ZNF529: variants seen among roughly 807,000 people sequenced by gnomAD.
The protein encoded by ZNF529 is zinc finger protein 529.
In ZNF529, 11 loss-of-function variants were observed where a neutral mutation model predicts 10.1. The ratio of observed to expected loss-of-function variants is 1.09; its 90% CI spans 0.69 to 1.81. The LOEUF (loss-of-function observed/expected upper bound fraction) is 1.81. ZNF529 is among the 40% of genes most tolerant of loss of function. The pLI, the probability that ZNF529 is intolerant of heterozygous loss-of-function variation, is 0.00. For missense variants in ZNF529, 624 were observed against 666.8 expected (o/e 0.94, Z 0.71); for synonymous variants, 204 against 215.7 (o/e 0.95, Z 0.47).
intron 2 of ZNF529, chr19:36,582,725 AAAG>A (rs1305393961): frequency 2.0e-5 from 3 of 151,902 alleles, no homozygotes; most frequent in East Asian, 3.9e-4. Context: ...AAAAAAAAAA[AAAG>A]ATGAGCATAA....
In ZNF529 at chr19:36,596,660, G is replaced by A. The variant is rs1490846725; in HGVS notation, c.-127-6959C>T. The stretch of plus-strand genomic sequence containing the variant: ...GCCTCCAGAGTAGCTGGGATTATAG[G>A]TGTGTGTCACCACACCCAGGTAATT... On this transcript the variant is annotated intron_variant, in intron 1 of 4. Coordinates refer to the ZNF529 transcript ENST00000585960. 9.9e-5 allele frequency among the ~76,000 whole-genome samples: 15 copies of A among 151,898 alleles called. No individual in the cohort carries two copies. The East Asian group carries it at 2.7e-3, about 28-fold the overall frequency.
At chr19:36,574,066 C>T (rs563937862), upstream of ZNF529, among the ~76,000 whole-genome samples, 1 of 152,340 alleles carries the variant, frequency 6.6e-6, no homozygotes, top group Admixed American at 6.5e-5. Flanking sequence ...TTTGAAGAGA[C>T]TTATTCTGAG....
rs137913019 is a variant in ZNF529 at position 36,562,089 on chromosome 19, T to C, written c.15-5892A>G. 1.7e-4 allele frequency among the ~76,000 whole-genome samples: 26 copies of C among 151,994 alleles called. No individual in the cohort carries two copies. In the East Asian group the frequency reaches 5.1e-3, roughly 30 times the overall value. The stretch of plus-strand genomic sequence containing the variant: ...CATCTCTACTAAAAATACAAAAAAA[T>C]TAGCCAGGAATGGTGGTGCATGCCT... On this transcript the variant is annotated intron_variant, in intron 2 of 4. Transcript: ENST00000591340.
intron 2 of ZNF529, among the ~76,000 whole-genome samples, chr19:36,568,234 G>T (rs1343752299): frequency 6.6e-6 from 1 of 152,174 alleles, no homozygotes; most frequent in Non-Finnish European, 1.5e-5. Context: ...CTCAAAGACT[G>T]TAACTATCAA....
chr19:36,562,775 T>G (rs1220355790), intron 2 of ZNF529, among the ~76,000 whole-genome samples: 1 of 149,446 alleles, frequency 6.7e-6, no homozygotes, highest in East Asian at 2.0e-4. Context: ...AGGCGGAGCT[T>G]GCAGTGAGCT....
chr19:36,548,122 A>T lies in ZNF529; in HGVS notation c.436T>A (p.Ser146Thr). The change falls in exon 5 of 5, where the codon TCT (serine) becomes ACT (threonine). Residue 146 changes from serine (S) to threonine (T), a missense_variant. Physicochemically the swap from Ser to Thr is moderately conservative, Grantham distance 58 (BLOSUM62 1). Coordinates refer to ENST00000591340, the MANE Select transcript of ZNF529 (RefSeq NM_020951.5). ...GTTTTGTAACTGGGCACATTTTCAGAGATGATTTTCATTTGACTGAAATAT... is the reference window on the plus strand; with the variant it reads ...GTTTTGTAACTGGGCACATTTTCAGTGATGATTTTCATTTGACTGAAATAT... The part of the protein sequence containing the change: ...VGYFSQMKII[S>T]ENVPSYKTHE... The T allele has an allele frequency of 6.2e-7, 1 of 1,613,882 alleles. No homozygotes were observed. Among genetic ancestry groups the T allele is most frequent in the South Asian group, 1.1e-5 (1 of 91,076 alleles).
intron 2 of ZNF529, among the ~76,000 whole-genome samples, chr19:36,558,479 C>T (rs2145814506): frequency 6.6e-6 from 1 of 152,152 alleles, no homozygotes; most frequent in Non-Finnish European, 1.5e-5. Context: ...GTATTAACTG[C>T]TGATTTCTCA....
At chr19:36,604,129 G>A (rs2036977689) in intron 1 of ZNF529, among the ~76,000 whole-genome samples, 1 of 152,118 alleles carries the variant, frequency 6.6e-6, no homozygotes, top group Non-Finnish European at 1.5e-5. Context: ...GCAATGAGCC[G>A]AGATTGCGCC....
At chr19:36,564,483 A>G (rs1345909760) in intron 2 of ZNF529, among the ~76,000 whole-genome samples, 1 of 152,234 alleles carries the variant, frequency 6.6e-6, no homozygotes, top group African/African-American at 2.4e-5. Context: ...GCCAACAAAC[A>G]TACTTTTTTA....
intron 1 of ZNF529, among the ~76,000 whole-genome samples, chr19:36,600,003 G>A: frequency 6.6e-6 from 1 of 152,040 alleles, no homozygotes; most frequent in South Asian, 2.1e-4. Context: ...CGAGTAGCTG[G>A]GATTACAGGC....
At chr19:36,559,198 A>T (rs544232520) in intron 2 of ZNF529, among the ~76,000 whole-genome samples, 2 of 152,378 alleles carry the variant, frequency 1.3e-5, no homozygotes, top group Non-Finnish European at 2.9e-5. Flanking sequence ...AAATTGGTAC[A>T]GTCCTTCTGA....
intron 2 of ZNF529, among the ~76,000 whole-genome samples, chr19:36,579,165 C>T (rs191538818): frequency 2.8e-4 from 42 of 151,380 alleles, no homozygotes; most frequent in Admixed American, 1.4e-3. Flanking sequence ...TGCGCCGTTG[C>T]ACTCCAGCCT....
upstream of ZNF529, among the ~76,000 whole-genome samples, chr19:36,574,070 T>C (rs998119402): frequency 2.0e-5 from 3 of 152,238 alleles, no homozygotes; most frequent in East Asian, 1.9e-4. Flanking sequence ...AAGAGACTTA[T>C]TCTGAGCTAA....
At chr19:36,570,944 T>C (rs897640233) in intron 2 of ZNF529, among the ~76,000 whole-genome samples, 1 of 152,204 alleles carries the variant, frequency 6.6e-6, no homozygotes, top group Non-Finnish European at 1.5e-5. Flanking sequence ...ACTGATATAA[T>C]TATTGTTTAC....
At chr19:36,580,780 A>G (rs1382342426) in intron 2 of ZNF529, 2 of 152,252 alleles carry the variant, frequency 1.3e-5, no homozygotes, top group East Asian at 3.8e-4. Flanking sequence ...AGATTCAACC[A>G]ATAGCAATGC....
chr19:36,592,530 G>A (rs916345962), intron 1 of ZNF529, among the ~76,000 whole-genome samples: 2 of 150,774 alleles, frequency 1.3e-5, no homozygotes, highest in African/African-American at 2.4e-5. Flanking sequence ...GGAGATGGAA[G>A]TTGCAGTGAG....
At chr19:36,604,735 C>T (rs1292525963) in intron 1 of ZNF529, 1 of 152,224 alleles carries the variant, frequency 6.6e-6, no homozygotes, top group Non-Finnish European at 1.5e-5. Context: ...CACAACAGCG[C>T]TGTCACAGGA....
chr19:36,560,205 C>T (rs575262730), intron 2 of ZNF529, among the ~76,000 whole-genome samples: 43 of 141,232 alleles, frequency 3.0e-4, no homozygotes, highest in African/African-American at 8.8e-4. Context: ...TGCGGTGAGC[C>T]GAGATCACGC....
chr19:36,571,391 A>G (rs1432975476), intron 2 of ZNF529, among the ~76,000 whole-genome samples: 1 of 152,160 alleles, frequency 6.6e-6, no homozygotes, highest in Non-Finnish European at 1.5e-5. Context: ...AAATGTGTTT[A>G]AAGCCGGGCG....
Sources: allele counts gnomAD v4.1 joint callset (sites outside exome capture counted in the v4.1 genomes callset), GRCh38; gene constraint gnomAD v4.1.1; transcripts MANE v1.5; gene names NCBI Gene and HGNC (gene_info 2026-07-23, HGNC 2026-07-21).